Variants in PDGFC observed in about 807,000 individuals in gnomAD.
PDGFC encodes the protein platelet-derived growth factor C.
In PDGFC, 12 loss-of-function variants were observed where a neutral mutation model predicts 35.5. The ratio of observed to expected loss-of-function variants is 0.34; its 90% CI spans 0.22 to 0.55. The LOEUF (loss-of-function observed/expected upper bound fraction) is 0.55. Ranked by LOEUF, PDGFC falls within the 20% of genes least tolerant of loss-of-function variation. PDGFC has a pLI of 0.91. For missense variants in PDGFC, 322 were observed against 412.4 expected, an observed-to-expected ratio of 0.78 and a Z score of 1.90; for synonymous variants, 159 against 148.8, an observed-to-expected ratio of 1.07 and a Z score of -0.50.
intron 2 of PDGFC, among the ~76,000 whole-genome samples, chr4:156,833,359 A>G (rs562711080): frequency 6.6e-6 from 1 of 152,322 alleles, no homozygotes; most frequent in South Asian, 2.1e-4. Context: ...TGACTATAGG[A>G]AAGTAAATGT....
chr4:156,822,953 C>G lies in PDGFC; in HGVS notation c.315-11936G>C, dbSNP rs144423979. On this transcript the variant is annotated intron_variant, in intron 2 of 5. Coordinates refer to ENST00000502773, the MANE Select transcript of PDGFC (RefSeq NM_016205.3). ...TTCTCCGTGTTGGTCAGGCTGGTCT[C>G]AAACTCCTGACCTCAGGTGATCTGC... 1.6e-3 allele frequency among the ~76,000 whole-genome samples: 250 copies of G among 152,074 alleles called. 1 individual carries two copies. The highest frequency in any genetic ancestry group is 5.5e-3 in the African/African-American group (230 of 41,490).
chr4:156,949,618 T>C (rs536380624), intron 1 of PDGFC, among the ~76,000 whole-genome samples: 2 of 151,920 alleles, frequency 1.3e-5, no homozygotes, highest in East Asian at 3.9e-4. Context: ...GGGAGGAGAA[T>C]TGTTTGGGGA....
At chr4:156,766,444 A>C (rs1423968622) in intron 5 of PDGFC, among the ~76,000 whole-genome samples, 1 of 152,102 alleles carries the variant, frequency 6.6e-6, no homozygotes, top group Non-Finnish European at 1.5e-5. Context: ...AGTATCTTTT[A>C]GTTTTCTTCA....
chr4:156,921,713 G>C (rs1419273937), intron 1 of PDGFC, among the ~76,000 whole-genome samples: 1 of 152,060 alleles, frequency 6.6e-6, no homozygotes. Context: ...AGAGTCTTTT[G>C]AGTTCATCTA....
rs55771526 is a variant in PDGFC, at chr4:156,760,712, C to T, written c.*2378G>A. 6.6e-6 allele frequency: 1 copy of T among 152,214 alleles called. No homozygotes were observed. Among genetic ancestry groups the T allele is most frequent in the Non-Finnish European group, 1.5e-5 (1 of 67,998 alleles). The allele number at this position is 152,214 out of a possible 1,614,324, so 9.4% of individuals were successfully genotyped here. On this transcript the variant is annotated 3_prime_UTR_variant, in exon 6 of 6. Coordinates refer to ENST00000502773, the MANE Select transcript of PDGFC (RefSeq NM_016205.3). ...TTAGTCCTCACATGGTAACCACTCA[C>T]CGACTGGCAACTGAGGACTGCTACC...
intron 2 of PDGFC, among the ~76,000 whole-genome samples, chr4:156,814,925 T>C (rs922758000): frequency 6.6e-6 from 1 of 152,174 alleles, no homozygotes; most frequent in African/African-American, 2.4e-5. Flanking sequence ...TTCATGAAGA[T>C]TTCCAACTGA....
chr4:156,958,613 A>G (rs1219474267), intron 1 of PDGFC, among the ~76,000 whole-genome samples: 1 of 152,110 alleles, frequency 6.6e-6, no homozygotes, highest in Admixed American at 6.6e-5. Flanking sequence ...GTATCAACAT[A>G]AAAATTATTT....
chr4:156,925,575 T>C (rs1433953880), intron 1 of PDGFC, among the ~76,000 whole-genome samples: 3 of 152,006 alleles, frequency 2.0e-5, no homozygotes. Flanking sequence ...GTTTTGGTCA[T>C]GTTGAAATTA....
chr4:156,875,775 A>C (rs1349451544), intron 1 of PDGFC, among the ~76,000 whole-genome samples: 1 of 152,058 alleles, frequency 6.6e-6, no homozygotes, highest in East Asian at 1.9e-4. Context: ...AAAATTAGTC[A>C]GGTGTGGTGC....
chr4:156,871,798 C>T (rs1729990322), intron 1 of PDGFC, among the ~76,000 whole-genome samples: 1 of 149,620 alleles, frequency 6.7e-6, no homozygotes, highest in East Asian at 1.9e-4. Context: ...GACAGTGTAT[C>T]ATATTTAAGT....
chr4:156,838,868 T>C (rs1345434952), intron 2 of PDGFC, among the ~76,000 whole-genome samples: 3 of 152,030 alleles, frequency 2.0e-5, no homozygotes, highest in Admixed American at 6.6e-5. Context: ...CACCAGGCCA[T>C]GGGGGCTACA....
At chr4:156,958,682 A>G (rs569450985) in intron 1 of PDGFC, among the ~76,000 whole-genome samples, 1 of 152,200 alleles carries the variant, frequency 6.6e-6, no homozygotes, top group South Asian at 2.1e-4. Flanking sequence ...GCCACTAGTC[A>G]TCACCATTAA....
At chr4:156,839,468 C>T (rs1729146305) in intron 2 of PDGFC, among the ~76,000 whole-genome samples, 1 of 152,214 alleles carries the variant, frequency 6.6e-6, no homozygotes, top group Non-Finnish European at 1.5e-5. Context: ...CCCTGCTGAA[C>T]TGTGAGCCAA....
intron 1 of PDGFC, among the ~76,000 whole-genome samples, chr4:156,940,450 G>A (rs189233379): frequency 1.4e-4 from 22 of 152,124 alleles, no homozygotes; most frequent in South Asian, 2.1e-4. Flanking sequence ...AAAACAATGC[G>A]TGAAATTCAA....
At chr4:156,817,808 C>T (rs7693024) in intron 2 of PDGFC, among the ~76,000 whole-genome samples, 9,569 of 151,970 alleles carry the variant, frequency 0.063, 993 homozygotes, top group African/African-American at 0.22. Flanking sequence ...CCTGTAATCC[C>T]GGCACTTTGG....
At chr4:156,769,253 T>G in intron 4 of PDGFC, among the ~76,000 whole-genome samples, 1 of 151,354 alleles carries the variant, frequency 6.6e-6, no homozygotes, top group South Asian at 2.2e-4. Context: ...ATAATCACGA[T>G]GTAATCCAAT....
chr4:156,854,916 C>G (rs938926033), intron 1 of PDGFC, among the ~76,000 whole-genome samples: 1 of 151,862 alleles, frequency 6.6e-6, no homozygotes, highest in Non-Finnish European at 1.5e-5. Flanking sequence ...ACGAGCTTGA[C>G]ATGAAAAATG....
intron 1 of PDGFC, among the ~76,000 whole-genome samples, chr4:156,878,658 C>G (rs1730172360): frequency 6.6e-6 from 1 of 151,966 alleles, no homozygotes; most frequent in Admixed American, 6.6e-5. Flanking sequence ...CAATATACTC[C>G]AATGAGAATT....
chr4:156,888,705 T>C (rs914182890), intron 1 of PDGFC, among the ~76,000 whole-genome samples: 1 of 152,178 alleles, frequency 6.6e-6, no homozygotes, highest in Non-Finnish European at 1.5e-5. Flanking sequence ...TTTCATTTTT[T>C]CTCCAATGTC....
Sources: gnomAD v4.1 joint callset for allele counts (sites outside exome capture counted in the v4.1 genomes callset) on GRCh38, gnomAD v4.1.1 for gene constraint, MANE v1.5 for transcripts, NCBI Gene and HGNC (gene_info 2026-07-23, HGNC 2026-07-21) for gene names.